KCNIP4: variants seen among roughly 807,000 people sequenced by gnomAD.
KCNIP4 encodes potassium voltage-gated channel interacting protein 4.
In KCNIP4, 12 loss-of-function variants were observed where a neutral mutation model predicts 34.0. The ratio of observed to expected loss-of-function variants is 0.35; its 90% confidence interval spans 0.23 to 0.57. The LOEUF (loss-of-function observed/expected upper bound fraction) is 0.57. Among genes scored for constraint, KCNIP4 ranks in the 20% least tolerant of loss-of-function variants. The pLI is 0.83. For synonymous variants in KCNIP4, 124 were observed against 102.2 expected (o/e 1.21, Z -1.29); for missense variants, 238 against 311.7 (o/e 0.76, Z 1.78).
intron 1 of KCNIP4, among the ~76,000 whole-genome samples, chr4:21,071,923 G>C (rs1053296900): frequency 6.6e-6 from 1 of 152,110 alleles, no homozygotes; most frequent in African/African-American, 2.4e-5. Context: ...ATAGTTTGCT[G>C]AGAATGATGG....
intron 1 of KCNIP4, among the ~76,000 whole-genome samples, chr4:21,091,667 C>CA (rs2109045236): frequency 6.6e-6 from 1 of 152,250 alleles, no homozygotes; most frequent in East Asian, 1.9e-4. Flanking sequence ...GCTGGAAGTC[C>CA]AAAATCTGTG....
intron 3 of KCNIP4, among the ~76,000 whole-genome samples, chr4:20,825,481 T>G (rs1479302186): frequency 6.6e-6 from 1 of 152,106 alleles, no homozygotes; most frequent in African/African-American, 2.4e-5. Context: ...TCAAGAATGA[T>G]CCCACATTTC....
chr4:21,769,287 T>G (rs773536979), intron 1 of KCNIP4, among the ~76,000 whole-genome samples: 2 of 152,166 alleles, frequency 1.3e-5, no homozygotes, highest in African/African-American at 2.4e-5. Flanking sequence ...CCGTTTCTAT[T>G]TTTGCATTTC....
chr4:21,348,978 A>ATTACT (rs1717736327), intron 1 of KCNIP4, among the ~76,000 whole-genome samples: 1 of 152,166 alleles, frequency 6.6e-6, no homozygotes, highest in African/African-American at 2.4e-5. Flanking sequence ...GCCTGAGAGA[A>ATTACT]TTGGCTTTGT....
At position 21,209,597 on chromosome 4, in the gene KCNIP4, CTCTA is replaced by C. The variant is rs547084193; in HGVS notation, c.62-326892_62-326889del. On this transcript the variant is annotated intron_variant, in intron 1 of 8. Coordinates refer to ENST00000382152, the MANE Select transcript of KCNIP4 (RefSeq NM_025221.6). ...TCTTTTATTATTCTCTAGGTCATAT[CTCTA>C]TCTATCTATCTATCTATTTATCTAT... is the stretch of plus-strand genomic sequence containing the variant. Among the ~76,000 whole-genome samples, 306 of 152,004 alleles carry C rather than the reference CTCTA, an allele frequency of 2.0e-3. 2 individuals are homozygous for C. The highest frequency in any genetic ancestry group is 6.6e-3 in the African/African-American group (272 of 41,416).
At chr4:21,234,879 C>T (rs1577934688) in intron 1 of KCNIP4, among the ~76,000 whole-genome samples, 1 of 151,950 alleles carries the variant, frequency 6.6e-6, no homozygotes, top group African/African-American at 2.4e-5. Flanking sequence ...AACTCCAGAC[C>T]TCAAGTGATC....
intron 1 of KCNIP4, among the ~76,000 whole-genome samples, chr4:21,520,554 C>A (rs938786291): frequency 6.6e-6 from 1 of 152,100 alleles, no homozygotes; most frequent in South Asian, 2.1e-4. Flanking sequence ...TTCACAGAAG[C>A]GTTATTTTCT....
intron 1 of KCNIP4, among the ~76,000 whole-genome samples, chr4:21,270,295 G>T (rs1209248070): frequency 6.6e-6 from 1 of 152,116 alleles, no homozygotes; most frequent in African/African-American, 2.4e-5. Flanking sequence ...AAGGTATGAG[G>T]TACCAGCCAT....
chr4:21,146,754 C>T (rs930451199), intron 1 of KCNIP4, among the ~76,000 whole-genome samples: 1 of 152,072 alleles, frequency 6.6e-6, no homozygotes, highest in Non-Finnish European at 1.5e-5. Flanking sequence ...GATTTTGAAA[C>T]ACAGCTGAAT....
rs1741981846 is a variant in KCNIP4, at chr4:21,589,355, T to C, written c.61+359216A>G. On this transcript the variant is annotated intron_variant, in intron 1 of 8. Transcript: ENST00000382152. ...GTATATATATACATGTGTATGTATA[T>C]ATGTACATATATATATACATGTTCA... 4.0e-5 allele frequency among the ~76,000 whole-genome samples: 6 copies of C among 148,446 alleles called. No individual in the cohort carries two copies. The South Asian group carries it at 1.1e-3, about 26-fold the overall frequency.
chr4:21,811,572 T>C (rs544176282), intron 1 of KCNIP4, among the ~76,000 whole-genome samples: 123 of 152,302 alleles, frequency 8.1e-4, no homozygotes, highest in African/African-American at 2.6e-3. Flanking sequence ...ACTCATGTTG[T>C]GATGGGAGCT....
intron 1 of KCNIP4, among the ~76,000 whole-genome samples, chr4:21,080,756 T>G (rs1309941807): frequency 6.6e-6 from 1 of 151,910 alleles, no homozygotes; most frequent in East Asian, 1.9e-4. Context: ...CTATACTGTC[T>G]AGGCCAGTGT....
intron 1 of KCNIP4, among the ~76,000 whole-genome samples, chr4:20,975,556 AAAACGCATGTG>A (rs1735400952): frequency 6.6e-6 from 1 of 152,172 alleles, no homozygotes; most frequent in African/African-American, 2.4e-5. Context: ...TTTTATTGAA[AAAACGCATGTG>A]TTAATTCAAA....
At chr4:21,375,789 G>C (rs1720908466) in intron 1 of KCNIP4, among the ~76,000 whole-genome samples, 1 of 151,846 alleles carries the variant, frequency 6.6e-6, no homozygotes, top group Non-Finnish European at 1.5e-5. Flanking sequence ...GGATGGTCTT[G>C]ATCTCCTGAC....
rs1278688932 is a variant in KCNIP4 at position 20,728,949 on chromosome 4, T to TAAATCATACTGTAATCTGGATTAGTTG, written c.*1106_*1132dup. On this transcript the variant is annotated 3_prime_UTR_variant, in exon 9 of 9. Transcript: ENST00000382152. ...AAAAATAATCTGAATTATGATGAGC[T>TAAATCATACTGTAATCTGGATTAGTTG]AAATCATACTGTAATCTGGATTAGT... 1 of 152,130 alleles carries TAAATCATACTGTAATCTGGATTAGTTG rather than the reference T, an allele frequency of 6.6e-6. No homozygotes were observed. Among genetic ancestry groups the TAAATCATACTGTAATCTGGATTAGTTG allele is most frequent in the Non-Finnish European group, 1.5e-5 (1 of 68,034 alleles). 9.4% of individuals were successfully genotyped at this position (152,130 alleles called of 1,614,324 possible).
At chr4:21,555,969 G>A (rs928987975) in intron 1 of KCNIP4, among the ~76,000 whole-genome samples, 2 of 151,952 alleles carry the variant, frequency 1.3e-5, no homozygotes, top group African/African-American at 4.8e-5. Context: ...ATGCACACTC[G>A]GTTAACCCTG....
chr4:21,240,127 A>G (rs1759690931), intron 1 of KCNIP4, among the ~76,000 whole-genome samples: 1 of 150,588 alleles, frequency 6.6e-6, no homozygotes, highest in African/African-American at 2.4e-5. Context: ...CGCAAAGACA[A>G]AAAACCAAAC....
chr4:21,849,771 C>G (rs915025353), intron 1 of KCNIP4: 2 of 151,748 alleles, frequency 1.3e-5, no homozygotes, highest in Non-Finnish European at 2.9e-5. Context: ...TTATGCACAG[C>G]AAAAGAATTC....
chr4:20,842,420 GAA>G (rs1212116227), intron 3 of KCNIP4, among the ~76,000 whole-genome samples: 6 of 151,920 alleles, frequency 3.9e-5, no homozygotes, highest in African/African-American at 1.5e-4. Context: ...GGTGAGACGC[GAA>G]AAGTCAGCAG....
Sources: allele counts gnomAD v4.1 joint callset (sites outside exome capture counted in the v4.1 genomes callset), GRCh38; gene constraint gnomAD v4.1.1; transcripts MANE v1.5; gene names NCBI Gene and HGNC (gene_info 2026-07-23, HGNC 2026-07-21).